The following PLA2G4A variants were observed in gnomAD, a reference collection of about 807,000 sequenced individuals.
The protein encoded by PLA2G4A is cytosolic phospholipase A2.
A neutral mutation model predicts 81.9 loss-of-function variants in PLA2G4A; 40 were observed. That is an observed-to-expected ratio of 0.49 (90% CI 0.38 to 0.64). PLA2G4A has a LOEUF of 0.64. Among genes scored for constraint, PLA2G4A ranks in the 30% least tolerant of loss-of-function variants. The pLI is 0.00. For missense variants in PLA2G4A, 715 were observed against 905.1 expected (o/e 0.79, Z 2.69); for synonymous variants, 302 against 296.9 (o/e 1.02, Z -0.18).
At chr1:186,894,567 G>A (rs1571375604) in intron 5 of PLA2G4A, among the ~76,000 whole-genome samples, 1 of 152,202 alleles carries the variant, frequency 6.6e-6, no homozygotes, top group Non-Finnish European at 1.5e-5. Flanking sequence ...GGGGCAGAGA[G>A]AGAGAGAGAG....
intron 3 of PLA2G4A, among the ~76,000 whole-genome samples, chr1:186,871,845 T>A (rs888535966): frequency 6.6e-5 from 10 of 152,262 alleles, no homozygotes; most frequent in Admixed American, 2.0e-4. Flanking sequence ...TGGAGAGGAA[T>A]GTGGAAAATA....
At chr1:186,932,695 G>T in intron 7 of PLA2G4A, 68 bp from the exon 8 acceptor site, 1 of 1,448,600 alleles carries the variant, frequency 6.9e-7, no homozygotes, top group Non-Finnish European at 9.7e-7. Context: ...CATAAAGATT[G>T]AGACTAAAGG....
intron 14 of PLA2G4A, among the ~76,000 whole-genome samples, chr1:186,958,028 A>G (rs1656814624): frequency 6.6e-6 from 1 of 152,122 alleles, no homozygotes; most frequent in African/African-American, 2.4e-5. Flanking sequence ...GAAATTTAGG[A>G]TATAGCTTTG....
At chr1:186,840,817 T>C (rs1209153594) in intron 1 of PLA2G4A, among the ~76,000 whole-genome samples, 1 of 152,192 alleles carries the variant, frequency 6.6e-6, no homozygotes, top group Non-Finnish European at 1.5e-5. Flanking sequence ...AAAACTTGAC[T>C]GACTCTGTCA....
At chr1:186,946,038 A>C (rs1284016668) in intron 10 of PLA2G4A, among the ~76,000 whole-genome samples, 1 of 152,110 alleles carries the variant, frequency 6.6e-6, no homozygotes, top group African/African-American at 2.4e-5. Flanking sequence ...ATAAGCAGCA[A>C]AATAGGATTT....
intron 17 of PLA2G4A, among the ~76,000 whole-genome samples, chr1:186,982,664 C>T (rs565533061): frequency 3.8e-4 from 39 of 101,420 alleles, no homozygotes; most frequent in African/African-American, 1.4e-3. Context: ...GTTCAAGTAA[C>T]TCCTCTTTGT....
intron 3 of PLA2G4A, among the ~76,000 whole-genome samples, chr1:186,890,198 T>A (rs72709847): frequency 0.058 from 8,804 of 152,304 alleles, 286 homozygotes; most frequent in Middle Eastern, 0.11. Context: ...GTCAAGTCGA[T>A]AGGTTAGGAA....
intron 6 of PLA2G4A, among the ~76,000 whole-genome samples, chr1:186,909,856 A>G (rs1313930682): frequency 1.3e-5 from 2 of 152,136 alleles, no homozygotes; most frequent in East Asian, 3.9e-4. Flanking sequence ...TTATTAGGCC[A>G]AAAGGAATCT....
At chr1:186,946,146 T>C (rs12720617) in intron 10 of PLA2G4A, among the ~76,000 whole-genome samples, 2,425 of 152,294 alleles carry the variant, frequency 0.016, 23 homozygotes, top group Non-Finnish European at 0.024. Flanking sequence ...CTAAAAACTT[T>C]GTATTGCAAT....
intron 12 of PLA2G4A, among the ~76,000 whole-genome samples, chr1:186,948,665 G>C (rs562030907): frequency 6.6e-6 from 1 of 152,178 alleles, no homozygotes; most frequent in Non-Finnish European, 1.5e-5. Context: ...AGATCTGAAT[G>C]TGGGTGAGAC....
intron 9 of PLA2G4A, among the ~76,000 whole-genome samples, chr1:186,939,718 C>T (rs1224256495): frequency 6.6e-6 from 1 of 152,108 alleles, no homozygotes; most frequent in Non-Finnish European, 1.5e-5. Context: ...AAGTTTCTTC[C>T]AGGCTCCACA....
chr1:186,886,259 G>T (rs953953807), intron 3 of PLA2G4A, among the ~76,000 whole-genome samples: 3 of 152,112 alleles, frequency 2.0e-5, no homozygotes, highest in Non-Finnish European at 2.9e-5. Flanking sequence ...ATAGACAAAC[G>T]AAGTCCAGAA....
At chr1:186,970,489 T>C (rs940437053) in intron 15 of PLA2G4A, among the ~76,000 whole-genome samples, 1 of 152,130 alleles carries the variant, frequency 6.6e-6, no homozygotes, top group African/African-American at 2.4e-5. Flanking sequence ...CCCAGATCAG[T>C]GTCCTGGAGT....
intron 15 of PLA2G4A, among the ~76,000 whole-genome samples, chr1:186,971,131 C>T (rs1157519831): frequency 6.6e-6 from 1 of 151,252 alleles, no homozygotes; most frequent in Non-Finnish European, 1.5e-5. Flanking sequence ...TAACATAATC[C>T]CCCATAGACT....
intron 17 of PLA2G4A, 128 bp from the exon 18 acceptor site, chr1:186,988,249 A>T: frequency 1.5e-6 from 1 of 677,424 alleles, no homozygotes; most frequent in South Asian, 1.8e-5. Flanking sequence ...CATGACTCGT[A>T]GATTTCTATT....
chr1:186,916,541 A>G (rs1354033920), intron 7 of PLA2G4A, among the ~76,000 whole-genome samples: 1 of 152,084 alleles, frequency 6.6e-6, no homozygotes, highest in Non-Finnish European at 1.5e-5. Flanking sequence ...AAATTTCAAG[A>G]TTATGCGTTT....
chr1:186,956,314 G>A lies in PLA2G4A; in HGVS notation c.1549G>A (p.Asp517Asn). The A allele has an allele frequency of 6.2e-7, 1 of 1,613,198 alleles. No individual in the cohort carries two copies. Among genetic ancestry groups the A allele is most frequent in the Non-Finnish European group, 8.5e-7 (1 of 1,179,196 alleles). Residue 517 changes from aspartate (D) to asparagine (N), a missense_variant, in exon 14 of 18, where the codon GAT (aspartate) becomes AAT (asparagine). Transcript: ENST00000367466. ...LSDFATQDSF[D>N]DDELDAAVAD... is the part of the protein sequence containing the mutation. Reference sequence around the variant, plus strand: ...TGACTTTGCCACACAGGACTCCTTTGATGATGATGAACTGGATGCAGCTGT... The same window carrying A: ...TGACTTTGCCACACAGGACTCCTTTAATGATGATGAACTGGATGCAGCTGT...
Position 186,939,186 on chromosome 1 carries a change from A to G in PLA2G4A, c.874A>G (p.Thr292Ala). 1 of 1,605,978 alleles carries G rather than the reference A, an allele frequency of 6.2e-7. No individual in the cohort carries two copies. Among genetic ancestry groups the G allele is most frequent in the Non-Finnish European group, 8.5e-7 (1 of 1,172,784 alleles). The change falls in exon 9 of 18, where the codon ACT becomes GCT. Residue 292 changes from threonine (T) to alanine (A), a missense_variant. By Grantham distance (58) the Thr-to-Ala change is moderately conservative. Transcript: ENST00000367466. ...AAGCTCTGGACAACCTGTCACCTTT[A>G]CTGATATCTTTGGGATGTTAATAGG... is the stretch of plus-strand genomic sequence containing the variant. ...KKSSGQPVTFTDIFGMLIGET... is the reference protein window; with the variant it reads ...KKSSGQPVTFADIFGMLIGET...
intron 15 of PLA2G4A, among the ~76,000 whole-genome samples, chr1:186,973,101 C>T (rs796751966): frequency 9.9e-5 from 15 of 152,200 alleles, no homozygotes; most frequent in African/African-American, 2.4e-4. Flanking sequence ...GTACTAGTTT[C>T]CTGGAACTTC....
Sources: gnomAD v4.1 joint callset for allele counts (sites outside exome capture counted in the v4.1 genomes callset) on GRCh38, gnomAD v4.1.1 for gene constraint, MANE v1.5 for transcripts, NCBI Gene and HGNC (gene_info 2026-07-23, HGNC 2026-07-21) for gene names.